The following TAFA5 variants were observed in gnomAD, a reference collection of about 807,000 sequenced individuals.
TAFA5 encodes chemokine-like protein TAFA-5.
Under a neutral mutation model 15.3 loss-of-function variants are expected in TAFA5, and 6 were observed. That is an observed-to-expected ratio of 0.39 (90% CI 0.21 to 0.77). The LOEUF is 0.77. Among genes scored for constraint, TAFA5 ranks in the 30% least tolerant of loss-of-function variants. TAFA5 has a pLI of 0.41. For synonymous variants in TAFA5, 103 were observed against 80.7 expected, an observed-to-expected ratio of 1.28 and a Z score of -1.48; for missense variants, 161 against 193.1, an observed-to-expected ratio of 0.83 and a Z score of 0.98.
intron 2 of TAFA5, among the ~76,000 whole-genome samples, chr22:48,651,666 G>A (rs970170679): frequency 1.3e-5 from 2 of 152,200 alleles, no homozygotes; most frequent in African/African-American, 4.8e-5. Flanking sequence ...CCTTAGGCGG[G>A]TGGACGCTGA....
At chr22:48,515,762 GC>G (rs1921383270) in intron 1 of TAFA5, among the ~76,000 whole-genome samples, 1 of 152,328 alleles carries the variant, frequency 6.6e-6, no homozygotes, top group South Asian at 2.1e-4. Flanking sequence ...AAGGGACAGT[GC>G]GGGGACTTGG....
intron 1 of TAFA5, among the ~76,000 whole-genome samples, chr22:48,511,647 C>T (rs1238864878): frequency 2.0e-5 from 3 of 152,236 alleles, no homozygotes; most frequent in Admixed American, 1.3e-4. Context: ...CAAGGCCCAA[C>T]CCCTGAGCTC....
chr22:48,573,781 A>T (rs1489859274), intron 1 of TAFA5, among the ~76,000 whole-genome samples: 1 of 152,056 alleles, frequency 6.6e-6, no homozygotes, highest in Non-Finnish European at 1.5e-5. Flanking sequence ...GGATCTTCCA[A>T]TTGTAGTTCT....
intron 1 of TAFA5, among the ~76,000 whole-genome samples, chr22:48,588,088 GGGTT>G (rs1924426475): frequency 6.6e-6 from 1 of 152,212 alleles, no homozygotes; most frequent in African/African-American, 2.4e-5. Context: ...GTGGTTTGGG[GGGTT>G]GGTCCATGGG....
rs1381951891 is a variant in TAFA5, at chr22:48,646,758, T to C, written c.262+12T>C. 1.9e-6 allele frequency: 3 copies of C among 1,562,160 alleles called. No homozygotes were observed. The highest frequency in any genetic ancestry group is 2.7e-5 in the African/African-American group (2 of 74,166). On this transcript the variant is annotated intron_variant, in intron 2 of 3. Coordinates refer to ENST00000402357, the MANE Select transcript of TAFA5 (RefSeq NM_001082967.3). ...CGCCTGTGTGGACGGTAAGCACCCG[T>C]GGCCCCAGGACCCCTCCGGGTGCTG...
At chr22:48,675,929 G>A (rs1329113715) in intron 2 of TAFA5, among the ~76,000 whole-genome samples, 1 of 152,262 alleles carries the variant, frequency 6.6e-6, no homozygotes, top group Non-Finnish European at 1.5e-5. Context: ...AGGCACAGGT[G>A]CCTCATTTGC....
At chr22:48,712,646 G>T (rs1262020345) in intron 3 of TAFA5, among the ~76,000 whole-genome samples, 2 of 152,216 alleles carry the variant, frequency 1.3e-5, no homozygotes, top group African/African-American at 4.8e-5. Flanking sequence ...CCTCTCTGCT[G>T]GCTCTACCTT....
chr22:48,578,014 C>T (rs1923881562), intron 1 of TAFA5, among the ~76,000 whole-genome samples: 3 of 152,356 alleles, frequency 2.0e-5, no homozygotes, highest in Admixed American at 2.0e-4. Context: ...GCTGGTGTCG[C>T]GTGTCAGGAC....
intron 1 of TAFA5, among the ~76,000 whole-genome samples, chr22:48,514,703 C>G (rs1301562213): frequency 6.6e-6 from 1 of 152,206 alleles, no homozygotes; most frequent in Non-Finnish European, 1.5e-5. Context: ...ACAGGGAACT[C>G]TGAAAATTGA....
intron 2 of TAFA5, among the ~76,000 whole-genome samples, chr22:48,701,028 A>G (rs1300430809): frequency 6.6e-6 from 1 of 152,088 alleles, no homozygotes; most frequent in East Asian, 1.9e-4. Context: ...TCTGGCTGTT[A>G]CTAGAAGCAC....
intron 1 of TAFA5, among the ~76,000 whole-genome samples, chr22:48,531,666 A>G (rs568171376): frequency 6.7e-6 from 1 of 149,664 alleles, no homozygotes; most frequent in African/African-American, 2.5e-5. Context: ...TTAGACCCCC[A>G]GCGCGCCCTC....
intron 2 of TAFA5, among the ~76,000 whole-genome samples, chr22:48,662,009 T>C (rs6010484): frequency 0.13 from 9,901 of 79,012 alleles, 1,485 homozygotes; most frequent in African/African-American, 0.24. Flanking sequence ...TTGGGGTGCC[T>C]ACTTTGGGGA....
chr22:48,709,781 C>A (rs190940293), intron 3 of TAFA5, among the ~76,000 whole-genome samples: 1 of 152,218 alleles, frequency 6.6e-6, no homozygotes, highest in African/African-American at 2.4e-5. Flanking sequence ...CCTGTGAGAG[C>A]TGGCGGTGGA....
chr22:48,669,432 A>C (rs1291640892), intron 2 of TAFA5, among the ~76,000 whole-genome samples: 1 of 152,176 alleles, frequency 6.6e-6, no homozygotes, highest in Non-Finnish European at 1.5e-5. Flanking sequence ...GTGAGGACCC[A>C]CTTCTAGAAG....
rs1176446021 is a variant in TAFA5 at position 48,560,431 on chromosome 22, C to A, written c.112+70727C>A. ...CAGGAGCACCAAGGGTGCAGGTAGG[C>A]CATCAGGGCCTGGGGCCAGCCCGGG... On this transcript the variant is annotated intron_variant, in intron 1 of 3. Coordinates refer to ENST00000402357, the MANE Select transcript of TAFA5 (RefSeq NM_001082967.3). This position sits in a 1 kb window ranked among gnomAD's most constrained non-coding sequence, Gnocchi z 4.2. Among the ~76,000 whole-genome samples the A allele has an allele frequency of 6.6e-6, 1 of 152,158 alleles. No homozygotes were observed. Among genetic ancestry groups the A allele is most frequent in the Non-Finnish European group, 1.5e-5 (1 of 68,020 alleles).
intron 1 of TAFA5, among the ~76,000 whole-genome samples, chr22:48,543,165 C>T (rs145722850): frequency 8.8e-4 from 134 of 152,032 alleles, no homozygotes; most frequent in African/African-American, 3.2e-3. Context: ...CCTGGGGAGC[C>T]GGGGGTCGTT....
intron 3 of TAFA5, among the ~76,000 whole-genome samples, chr22:48,723,651 G>C (rs130196): frequency 2.0e-5 from 3 of 152,022 alleles, no homozygotes; most frequent in African/African-American, 7.2e-5. Context: ...GCTCTTCTGC[G>C]TGCTAGGGTG....
At chr22:48,525,366 C>T (rs541443875) in intron 1 of TAFA5, among the ~76,000 whole-genome samples, 1 of 152,292 alleles carries the variant, frequency 6.6e-6, no homozygotes, top group African/African-American at 2.4e-5. Context: ...AGGGCTTGGT[C>T]CACACCCCAC....
intron 1 of TAFA5, among the ~76,000 whole-genome samples, chr22:48,585,271 C>T (rs1348791348): frequency 1.3e-5 from 2 of 151,272 alleles, no homozygotes. Context: ...AATATACCAC[C>T]TAACCACACA....
Sources: gnomAD v4.1 joint callset for allele counts (sites outside exome capture counted in the v4.1 genomes callset) on GRCh38, gnomAD v4.1.1 for gene constraint, Gnocchi (gnomAD v3.1) non-coding constraint, MANE v1.5 for transcripts, NCBI Gene and HGNC (gene_info 2026-07-23, HGNC 2026-07-21) for gene names.